The following ANK1 variants were observed in gnomAD, a reference collection of about 807,000 sequenced individuals.
The protein encoded by ANK1 is ankyrin 1.
A neutral mutation model predicts 210.4 loss-of-function variants in ANK1; 51 were observed. The ratio of observed to expected loss-of-function variants is 0.24; its 90% confidence interval spans 0.19 to 0.31. The LOEUF is 0.31. ANK1 is among the 10% of genes least tolerant of loss of function. ANK1 has a pLI of 1.00. For synonymous variants in ANK1, 967 were observed against 1,025.9 expected (o/e 0.94, Z 1.10); for missense variants, 2,051 against 2,504.4 (o/e 0.82, Z 3.86).
At chr8:41,825,943 A>G (rs1805298197) in intron 1 of ANK1, among the ~76,000 whole-genome samples, 3 of 150,934 alleles carry the variant, frequency 2.0e-5, no homozygotes, top group African/African-American at 7.3e-5. Flanking sequence ...AGTCCATTAA[A>G]CCTCTTTTTC....
chr8:41,735,020 A>T (rs1833086525), intron 2 of ANK1, among the ~76,000 whole-genome samples: 1 of 152,176 alleles, frequency 6.6e-6, no homozygotes, highest in East Asian at 1.9e-4. Flanking sequence ...AACAAACAAA[A>T]CACATTTTCC....
chr8:41,809,134 C>T (rs893903756), intron 1 of ANK1, among the ~76,000 whole-genome samples: 1 of 152,182 alleles, frequency 6.6e-6, no homozygotes, highest in Non-Finnish European at 1.5e-5. Flanking sequence ...ACTGGGGAGT[C>T]GTTCTTAATC....
intron 1 of ANK1, among the ~76,000 whole-genome samples, chr8:41,765,397 C>T (rs1330910461): frequency 8.5e-6 from 1 of 117,996 alleles, no homozygotes; most frequent in African/African-American, 2.9e-5. Flanking sequence ...CAGGCGTGCA[C>T]CACCACACCT....
intron 1 of ANK1, among the ~76,000 whole-genome samples, chr8:41,796,374 A>T (rs1195730697): frequency 6.6e-6 from 1 of 151,944 alleles, no homozygotes; most frequent in South Asian, 2.1e-4. Flanking sequence ...ACCTGCAGTC[A>T]CCTGCCTCCT....
In ANK1 at chr8:41,719,812, T is replaced by G. The variant is rs745634616; in HGVS notation, c.956A>C (p.Asp319Ala). ...GTATTGCAACAGGAGCCGGACACAGTCGAGGTGGTCTCCCTGAGCCGCCAT... is the reference window on the plus strand; with the variant it reads ...GTATTGCAACAGGAGCCGGACACAGGCGAGGTGGTCTCCCTGAGCCGCCAT... ...IHMAAQGDHLDCVRLLLQYDA... is the reference protein window; with the variant it reads ...IHMAAQGDHLACVRLLLQYDA... Residue 319 changes from aspartate to alanine, a missense_variant, in exon 10 of 43, where the codon GAC (aspartate) becomes GCC (alanine). This residue lies in a region of ANK1 where 1,413 missense variants were observed against 1,707.4 expected (regional missense o/e 0.83). Coordinates refer to ENST00000289734, the MANE Select transcript of ANK1 (RefSeq NM_000037.4). 5.8e-5 allele frequency: 94 copies of G among 1,614,030 alleles called. No individual in the cohort carries two copies. Among genetic ancestry groups the G allele is most frequent in the Non-Finnish European group, 7.9e-5 (93 of 1,180,042 alleles).
chr8:41,822,932 G>A (rs1414083350), intron 1 of ANK1, among the ~76,000 whole-genome samples: 4 of 152,220 alleles, frequency 2.6e-5, no homozygotes, highest in African/African-American at 9.6e-5. Flanking sequence ...CGCTCCGTGT[G>A]TGCCTCGTTC....
At chr8:41,846,274 C>T (rs900978691) in intron 1 of ANK1, among the ~76,000 whole-genome samples, 4 of 152,238 alleles carry the variant, frequency 2.6e-5, no homozygotes, top group African/African-American at 9.6e-5. Context: ...AAGCCCAGAG[C>T]TCTCTCCAGC....
At position 41,820,327 on chromosome 8, in the gene ANK1, ATGTGTGTGTGTGTGTGTGTGTGTGTGTG is replaced by A. The variant is rs56359274; in HGVS notation, c.127-62218_127-62191del. 1.3e-3 allele frequency among the ~76,000 whole-genome samples: 184 copies of A among 142,946 alleles called. 1 individual carries two copies. The highest frequency in any genetic ancestry group is 4.3e-3 in the Admixed American group (62 of 14,262). The allele number at this position is 142,946 out of a possible 152,430, so 93.8% of individuals were successfully genotyped here. On this transcript the variant is annotated intron_variant, in intron 1 of 42. Coordinates refer to the ANK1 transcript ENST00000265709. ...GGTGTCCACCACCACACCAAGCTAAATGTGTGTGTGTGTGTGTGTGTGTGTGTGTGTGTGTGTGTGTGTGTGTGTGTGT... is the reference window on the plus strand; with the variant it reads ...GGTGTCCACCACCACACCAAGCTAAATGTGTGTGTGTGTGTGTGTGTGTGT...
rs115804096 is a variant in ANK1 at position 41,699,274 on chromosome 8, G to A, written c.2558+178C>T. The stretch of plus-strand genomic sequence containing the variant: ...GCAGCACGGTGTGAGGGAGGCCTCC[G>A]CCTGCCCTAGTGGCTAGGGTGCAGA... On this transcript the variant is annotated intron_variant, in intron 23 of 42. Transcript: ENST00000289734. 0.013 allele frequency among the ~76,000 whole-genome samples: 2,020 copies of A among 152,226 alleles called. 51 individuals carry two copies. Among genetic ancestry groups the A allele is most frequent in the African/African-American group, 0.046 (1,892 of 41,524 alleles).
chr8:41,847,743 C>T (rs1810335554), intron 1 of ANK1, among the ~76,000 whole-genome samples: 1 of 152,150 alleles, frequency 6.6e-6, no homozygotes, highest in South Asian at 2.1e-4. Context: ...GCCTTTTATC[C>T]CAGATTCCCC....
chr8:41,852,224 G>C (rs1811386877), intron 1 of ANK1, among the ~76,000 whole-genome samples: 3 of 152,176 alleles, frequency 2.0e-5, no homozygotes, highest in African/African-American at 7.2e-5. Context: ...ATCTGGTGGG[G>C]AGAAAGGAGG....
At chr8:41,734,595 T>C (rs1025100443) in intron 2 of ANK1, among the ~76,000 whole-genome samples, 5 of 152,140 alleles carry the variant, frequency 3.3e-5, no homozygotes, top group Admixed American at 3.3e-4. Context: ...AAATCAGTAT[T>C]AAAATAGCCC....
chr8:41,670,716 G>A (rs1293310701), intron 38 of ANK1, among the ~76,000 whole-genome samples: 1 of 152,148 alleles, frequency 6.6e-6, no homozygotes, highest in Non-Finnish European at 1.5e-5. Flanking sequence ...GTGGGACTGA[G>A]GGGTCACACA....
At chr8:41,879,658 C>T (rs1174321099) in intron 1 of ANK1, among the ~76,000 whole-genome samples, 4 of 152,124 alleles carry the variant, frequency 2.6e-5, no homozygotes, top group Non-Finnish European at 4.4e-5. Flanking sequence ...TTCATCCAGC[C>T]GTCCTGCTGG....
At chr8:41,748,804 G>C (rs930693075) in intron 2 of ANK1, among the ~76,000 whole-genome samples, 3 of 152,228 alleles carry the variant, frequency 2.0e-5, no homozygotes, top group Admixed American at 6.5e-5. Flanking sequence ...GGGAGGCTAA[G>C]GCGGGCAGAT....
intron 1 of ANK1, among the ~76,000 whole-genome samples, chr8:41,863,957 A>G (rs1813786385): frequency 2.0e-5 from 3 of 152,128 alleles, no homozygotes. Flanking sequence ...ATTCAAGGGT[A>G]CCACTGGCCG....
intron 26 of ANK1, 122 bp from the exon 27 acceptor site, chr8:41,695,453 C>T (rs1725500784): frequency 2.2e-6 from 3 of 1,377,958 alleles, no homozygotes; most frequent in Admixed American, 3.5e-5. Context: ...ACGTGGAGGC[C>T]CCACCTGCAG....
At chr8:41,887,875 C>T (rs1207068607) in intron 1 of ANK1, among the ~76,000 whole-genome samples, 1 of 152,236 alleles carries the variant, frequency 6.6e-6, no homozygotes, top group East Asian at 1.9e-4. Context: ...GGTGATGGCA[C>T]CAAAGTCCTG....
chr8:41,663,995 C>A, intron 39 of ANK1: 1 of 619,610 alleles, frequency 1.6e-6, no homozygotes, highest in Non-Finnish European at 3.0e-6. Flanking sequence ...TCACAACACC[C>A]CCTGGGAACC....
Sources: gnomAD v4.1 joint callset for allele counts (sites outside exome capture counted in the v4.1 genomes callset) on GRCh38, gnomAD v4.1.1 for gene constraint, gnomAD v4.1.1 regional missense constraint, MANE v1.5 for transcripts, NCBI Gene and HGNC (gene_info 2026-07-23, HGNC 2026-07-21) for gene names.